The following GRHL2 variants were observed in gnomAD, a reference collection of about 807,000 sequenced individuals.
GRHL2 encodes the protein grainyhead-like protein 2 homolog.
Under a neutral mutation model 83.8 loss-of-function variants are expected in GRHL2, and 21 were observed. That is an observed-to-expected ratio of 0.25 (90% confidence interval 0.18 to 0.36). The LOEUF (loss-of-function observed/expected upper bound fraction) is 0.36. Among genes scored for constraint, GRHL2 ranks in the 10% least tolerant of loss-of-function variants. The probability of loss-of-function intolerance (pLI) is 1.00; values close to 1 mark genes in which losing one functional copy is unlikely to be tolerated. For synonymous variants in GRHL2, 280 were observed against 278.9 expected, an observed-to-expected ratio of 1.00 and a Z score of -0.04; for missense variants, 623 against 781.8, an observed-to-expected ratio of 0.80 and a Z score of 2.42.
chr8:101,672,159 A>T (rs1814221178), downstream of GRHL2, among the ~76,000 whole-genome samples: 1 of 151,720 alleles, frequency 6.6e-6, no homozygotes, highest in African/African-American at 2.4e-5. Flanking sequence ...CTCCTCCTCC[A>T]AAGGAATGCA....
chr8:101,625,869 C>T (rs1268309582), intron 9 of GRHL2, among the ~76,000 whole-genome samples: 3 of 151,968 alleles, frequency 2.0e-5, no homozygotes, highest in Non-Finnish European at 4.4e-5. Context: ...GGTAGTTACA[C>T]ATCCTGATAT....
intron 14 of GRHL2, among the ~76,000 whole-genome samples, chr8:101,658,428 A>C (rs1813845794): frequency 6.6e-6 from 1 of 152,210 alleles, no homozygotes; most frequent in African/African-American, 2.4e-5. Flanking sequence ...CTAATCTGAG[A>C]GACAGCGCTC....
At chr8:101,578,158 CATGA>C (rs1251867376) in intron 7 of GRHL2, among the ~76,000 whole-genome samples, 1 of 152,146 alleles carries the variant, frequency 6.6e-6, no homozygotes, top group Non-Finnish European at 1.5e-5. Context: ...ATTCACTGGG[CATGA>C]ATTCATTGCC....
At chr8:101,603,443 TTTCA>T (rs1812560557) in intron 8 of GRHL2, among the ~76,000 whole-genome samples, 1 of 152,252 alleles carries the variant, frequency 6.6e-6, no homozygotes, top group Admixed American at 6.5e-5. Flanking sequence ...ATACATTTTC[TTTCA>T]TTGCTGACTT....
intron 1 of GRHL2, among the ~76,000 whole-genome samples, chr8:101,511,840 C>A (rs1291086055): frequency 6.6e-6 from 1 of 152,058 alleles, no homozygotes; most frequent in East Asian, 1.9e-4. Context: ...CTTTGATCCA[C>A]CTGAAATTTA....
Position 101,522,738 on chromosome 8 carries a change from C to CATATACATATACATATACATATACAT in GRHL2, c.21-20498_21-20497insCATATACATATACATATACATATATA, listed in dbSNP as rs1396473558. On this transcript the variant is annotated intron_variant, in intron 1 of 15. Transcript: ENST00000646743. ...AAGTATGTTTATACATATACATATA[C>CATATACATATACATATACATATACAT]ATATATATATATACACACACATATA... Among the ~76,000 whole-genome samples the CATATACATATACATATACATATACAT allele has an allele frequency of 6.7e-3, 913 of 135,270 alleles. 11 individuals carry two copies. The highest frequency in any genetic ancestry group is 0.024 in the African/African-American group (848 of 35,046). The allele number at this position is 135,270 out of a possible 152,430, so 88.7% of individuals were successfully genotyped here. A position where few individuals can be genotyped will look rare whatever the true frequency, so the allele number is the denominator to read the frequency against.
intron 14 of GRHL2, among the ~76,000 whole-genome samples, chr8:101,661,558 AT>A (rs1300367931): frequency 6.6e-6 from 1 of 152,248 alleles, no homozygotes; most frequent in African/African-American, 2.4e-5. Context: ...GGCCATGCAA[AT>A]AATTGTTATA....
intron 8 of GRHL2, among the ~76,000 whole-genome samples, chr8:101,614,063 G>A (rs1812806739): frequency 6.6e-6 from 1 of 151,004 alleles, no homozygotes; most frequent in African/African-American, 2.5e-5. Flanking sequence ...AGCTTTAGGA[G>A]TTAATAATCA....
intron 1 of GRHL2, among the ~76,000 whole-genome samples, chr8:101,523,958 A>G (rs770984202): frequency 1.3e-5 from 2 of 152,078 alleles, no homozygotes; most frequent in African/African-American, 4.8e-5. Context: ...ATAATCACCA[A>G]TCATCAGGTG....
chr8:101,582,844 AGT>A (rs759160140), intron 7 of GRHL2, among the ~76,000 whole-genome samples: 1 of 152,078 alleles, frequency 6.6e-6, no homozygotes, highest in African/African-American at 2.4e-5. Flanking sequence ...GAGATATTCA[AGT>A]GTGTGTGTGT....
intron 2 of GRHL2, among the ~76,000 whole-genome samples, chr8:101,552,137 A>C (rs1056478994): frequency 1.3e-5 from 2 of 152,196 alleles, no homozygotes; most frequent in African/African-American, 4.8e-5. Context: ...AAGTGTATTT[A>C]GAAACAAAAT....
At chr8:101,616,054 C>A (rs1415854452) in intron 8 of GRHL2, among the ~76,000 whole-genome samples, 1 of 142,022 alleles carries the variant, frequency 7.0e-6, no homozygotes, top group African/African-American at 2.6e-5. Context: ...TCTCTTTCTC[C>A]CCTCCCCTCC....
At chr8:101,525,231 C>T (rs925506652) in intron 1 of GRHL2, among the ~76,000 whole-genome samples, 1 of 152,160 alleles carries the variant, frequency 6.6e-6, no homozygotes, top group Non-Finnish European at 1.5e-5. Flanking sequence ...GTGTGAGCCA[C>T]TGTGCCTGGC....
At chr8:101,493,933 G>A (rs1586388376) in intron 1 of GRHL2, among the ~76,000 whole-genome samples, 1 of 152,126 alleles carries the variant, frequency 6.6e-6, no homozygotes, top group East Asian at 1.9e-4. Context: ...GCCTGGGCGG[G>A]CGCGGGAGGG....
chr8:101,595,542 G>A (rs903626080), intron 7 of GRHL2, among the ~76,000 whole-genome samples: 2 of 152,152 alleles, frequency 1.3e-5, no homozygotes, highest in Admixed American at 6.5e-5. Flanking sequence ...AAAGAATCAA[G>A]GACTTCAGTT....
chr8:101,539,474 G>A (rs374266601), intron 1 of GRHL2, among the ~76,000 whole-genome samples: 46 of 152,208 alleles, frequency 3.0e-4, no homozygotes, highest in African/African-American at 9.4e-4. Flanking sequence ...GTGGGGGGCC[G>A]GTGACATTGT....
chr8:101,635,329 T>TG (rs1303264951), intron 11 of GRHL2, among the ~76,000 whole-genome samples: 1 of 152,088 alleles, frequency 6.6e-6, no homozygotes, highest in Admixed American at 6.5e-5. Context: ...ACAGCTGACA[T>TG]GGAAGAAATA....
At chr8:101,623,209 C>T (rs1257312781) in intron 9 of GRHL2, among the ~76,000 whole-genome samples, 1 of 152,262 alleles carries the variant, frequency 6.6e-6, no homozygotes, top group Non-Finnish European at 1.5e-5. Flanking sequence ...CCTAAAGTCT[C>T]AACGGCCTTT....
chr8:101,555,098 T>A (rs1453160193), intron 3 of GRHL2, among the ~76,000 whole-genome samples: 1 of 152,248 alleles, frequency 6.6e-6, no homozygotes, highest in East Asian at 1.9e-4. Context: ...TTCCTATGTT[T>A]TGCATGAATT....
Sources: gnomAD v4.1 joint callset for allele counts (sites outside exome capture counted in the v4.1 genomes callset) on GRCh38, gnomAD v4.1.1 for gene constraint, MANE v1.5 for transcripts, NCBI Gene and HGNC (gene_info 2026-07-23, HGNC 2026-07-21) for gene names.